The following TMEM132E variants were observed in gnomAD, a reference collection of about 807,000 sequenced individuals.
TMEM132E encodes the protein transmembrane protein 132E.
TMEM132E carries 49 observed loss-of-function variants against 78.5 expected under a neutral mutation model. The ratio of observed to expected loss-of-function variants is 0.62; its 90% CI spans 0.50 to 0.79. The LOEUF is 0.79. Among genes scored for constraint, TMEM132E ranks in the 30% least tolerant of loss-of-function variants. The pLI, the probability that TMEM132E is intolerant of heterozygous loss-of-function variation, is 0.00. For missense variants in TMEM132E, 1,403 were observed against 1,470.9 expected (o/e 0.95, Z 0.75); for synonymous variants, 715 against 670.6 (o/e 1.07, Z -1.02).
intron 1 of TMEM132E, among the ~76,000 whole-genome samples, chr17:34,595,577 G>T (rs1292893373): frequency 6.6e-6 from 1 of 152,172 alleles, no homozygotes; most frequent in Non-Finnish European, 1.5e-5. Flanking sequence ...TAAAGTCAAA[G>T]AAACATGGGA....
intron 1 of TMEM132E, among the ~76,000 whole-genome samples, chr17:34,625,905 T>C (rs978211447): frequency 2.0e-5 from 3 of 152,156 alleles, no homozygotes; most frequent in East Asian, 1.9e-4. Context: ...GGTGAGAGGG[T>C]AATTCACATA....
chr17:34,597,662 C>G (rs1350714253), intron 1 of TMEM132E, among the ~76,000 whole-genome samples: 1 of 152,128 alleles, frequency 6.6e-6, no homozygotes, highest in Non-Finnish European at 1.5e-5. Flanking sequence ...CTCCTGGCCA[C>G]CATCATGATC....
chr17:34,627,506 T>G (rs1362301419), intron 2 of TMEM132E, among the ~76,000 whole-genome samples: 1 of 27,920 alleles, frequency 3.6e-5, no homozygotes, highest in African/African-American at 1.0e-4. Flanking sequence ...GTGTGTGTGT[T>G]TTGGGACATT....
chr17:34,612,425 G>A (rs1045199259), intron 1 of TMEM132E, among the ~76,000 whole-genome samples: 3 of 152,136 alleles, frequency 2.0e-5, no homozygotes, highest in Middle Eastern at 3.2e-3. Flanking sequence ...TTTCCAGCAG[G>A]GGCCTTGGCT....
intron 1 of TMEM132E, among the ~76,000 whole-genome samples, chr17:34,602,028 T>A (rs576610317): frequency 1.3e-5 from 2 of 152,324 alleles, no homozygotes; most frequent in African/African-American, 4.8e-5. Flanking sequence ...GGGTCCATGG[T>A]CTGGCCCCTT....
intron 8 of TMEM132E, among the ~76,000 whole-genome samples, chr17:34,636,432 T>A (rs1185276636): frequency 6.6e-6 from 1 of 152,146 alleles, no homozygotes; most frequent in Non-Finnish European, 1.5e-5. Context: ...TCTGAGGGTC[T>A]CCCTCCTGGA....
chr17:34,610,498 C>T (rs751252427), intron 1 of TMEM132E, among the ~76,000 whole-genome samples: 8 of 152,132 alleles, frequency 5.3e-5, no homozygotes, highest in African/African-American at 1.9e-4. Context: ...TGTGAGCAGA[C>T]CAGAATCCTG....
intron 1 of TMEM132E, among the ~76,000 whole-genome samples, chr17:34,595,391 A>G (rs893098820): frequency 6.6e-6 from 1 of 152,254 alleles, no homozygotes. Context: ...TAAACAGGAC[A>G]GATACTCTGA....
At position 34,630,179 on chromosome 17, in the gene TMEM132E, G is replaced by C. The variant is rs527682265; in HGVS notation, c.1482+28G>C. The C allele has an allele frequency of 7.5e-6, 12 of 1,601,460 alleles. No homozygotes were observed. The African/African-American group carries it at 1.3e-4, about 18-fold the overall frequency. ...GGGCATCCTGGAGGTGGGGCCCCTG[G>C]GGAAGAAGCCCTAGGCCTTCAGGAG... On this transcript the variant is annotated intron_variant, in intron 5 of 8. Coordinates refer to ENST00000631683, the MANE Select transcript of TMEM132E (RefSeq NM_001304438.2).
intron 1 of TMEM132E, among the ~76,000 whole-genome samples, chr17:34,600,745 G>T (rs1360453433): frequency 6.6e-6 from 1 of 152,188 alleles, no homozygotes; most frequent in Non-Finnish European, 1.5e-5. Flanking sequence ...GAGCTGTGAA[G>T]TACCCAGAGC....
intron 1 of TMEM132E, among the ~76,000 whole-genome samples, chr17:34,600,539 T>C (rs1030222156): frequency 1.3e-4 from 19 of 151,870 alleles, no homozygotes; most frequent in African/African-American, 4.6e-4. Flanking sequence ...CCCTGAGGTT[T>C]GCCATGGGGC....
intron 5 of TMEM132E, among the ~76,000 whole-genome samples, chr17:34,632,157 C>A (rs1040368396): frequency 6.6e-6 from 1 of 152,190 alleles, no homozygotes; most frequent in Admixed American, 6.5e-5. Context: ...GGTTAAGCAG[C>A]CCCCCTCACC....
chr17:34,637,722 C>G lies in TMEM132E; in HGVS notation c.2715C>G (p.Phe905Leu). The change falls in exon 9 of 9, where the codon TTC becomes TTG. Residue 905 changes from phenylalanine (F) to leucine (L), a missense_variant. Transcript: ENST00000631683. ...LGVFCLAILV[F>L]LINCIVFVLR... is the part of the protein sequence containing the mutation. ...TCTTCTGCCTCGCCATCCTCGTCTT[C>G]CTCATCAACTGCATCGTTTTTGTGC... The G allele has an allele frequency of 1.2e-6, 2 of 1,613,484 alleles. No individual in the cohort carries two copies. The highest frequency in any genetic ancestry group is 1.7e-6 in the Non-Finnish European group (2 of 1,179,988).
chr17:34,582,190 G>C (rs1905513171), intron 1 of TMEM132E, among the ~76,000 whole-genome samples: 1 of 151,892 alleles, frequency 6.6e-6, no homozygotes, highest in Non-Finnish European at 1.5e-5. Flanking sequence ...TCCACGCTGA[G>C]GGGTGAGCCT....
chr17:34,613,211 A>ACACACACACACACGCGCGCGCG, intron 1 of TMEM132E, among the ~76,000 whole-genome samples: 22 of 115,974 alleles, frequency 1.9e-4, no homozygotes, highest in Non-Finnish European at 3.3e-4. Context: ...ACACACACAC[A>ACACACACACACACGCGCGCGCG]CGCGCGCGCG....
At position 34,581,134 on chromosome 17, in the gene TMEM132E, C is replaced by T. The variant is rs774898682; in HGVS notation, c.58C>T (p.Leu20Phe). 2.9e-4 allele frequency: 437 copies of T among 1,521,218 alleles called. 1 individual carries two copies. Among genetic ancestry groups the T allele is most frequent in the Non-Finnish European group, 3.6e-4 (414 of 1,139,558 alleles). 94.2% of individuals were successfully genotyped at this position (1,521,218 alleles called of 1,614,324 possible). A position where few individuals can be genotyped will look rare whatever the true frequency, so the allele number is the denominator to read the frequency against. ...CGCCCTGCTCTGCCTCTCAGCGCTA[C>T]TCGCCCACGGTAAGTGTCGCGGCGC... ...GAALLCLSALLAHASGRSHPA... is the reference protein window; with the variant it reads ...GAALLCLSALFAHASGRSHPA... The change falls in exon 1 of 9, where the codon CTC becomes TTC. Residue 20 changes from leucine (L) to phenylalanine (F), a missense_variant. Around this residue, in one of 3 missense-constraint regions of TMEM132E, gnomAD observed 511 missense variants for 499.0 expected, o/e 1.02. Transcript: ENST00000631683.
At chr17:34,629,880 A>C in intron 4 of TMEM132E, 128 bp from the exon 5 acceptor site, 2 of 1,098,896 alleles carry the variant, frequency 1.8e-6, no homozygotes, top group Non-Finnish European at 2.5e-6. Context: ...CACGGGTGCA[A>C]GTGTCCCCAC....
chr17:34,606,677 A>C (rs536679724), intron 1 of TMEM132E, among the ~76,000 whole-genome samples: 1 of 152,194 alleles, frequency 6.6e-6, no homozygotes, highest in African/African-American at 2.4e-5. Context: ...TGGTTCTTAC[A>C]TAGGTCCCCT....
chr17:34,580,974 C>A lies in TMEM132E; in HGVS notation c.-103C>A. On this transcript the variant is annotated 5_prime_UTR_variant, in exon 1 of 9. Coordinates refer to ENST00000631683, the MANE Select transcript of TMEM132E (RefSeq NM_001304438.2). The stretch of plus-strand genomic sequence containing the variant: ...GTCCCGGAGCTGCATCTGAGACAGC[C>A]GGGCGCCACGGCAGCCCTGAGTTGG... 2 of 900,046 alleles carry A rather than the reference C, an allele frequency of 2.2e-6. No individual in the cohort carries two copies. The highest frequency in any genetic ancestry group is 2.3e-4 in the Middle Eastern group (1 of 4,256). 55.8% of individuals were successfully genotyped at this position (900,046 alleles called of 1,614,324 possible).
Sources: allele counts gnomAD v4.1 joint callset (sites outside exome capture counted in the v4.1 genomes callset), GRCh38; gene constraint gnomAD v4.1.1; regional missense constraint gnomAD v4.1.1; transcripts MANE v1.5; gene names NCBI Gene and HGNC (gene_info 2026-07-23, HGNC 2026-07-21).